SNX2: variants seen among roughly 807,000 people sequenced by gnomAD.
SNX2 encodes sorting nexin 2.
A neutral mutation model predicts 69.9 loss-of-function variants in SNX2; 25 were observed. The ratio of observed to expected loss-of-function variants is 0.36; its 90% CI spans 0.26 to 0.50. The LOEUF is 0.50. Among genes scored for constraint, SNX2 ranks in the 20% least tolerant of loss-of-function variants. The probability of loss-of-function intolerance (pLI) is 0.97; values close to 1 mark genes in which losing one functional copy is unlikely to be tolerated. For synonymous variants in SNX2, 229 were observed against 200.4 expected (o/e 1.14, Z -1.20); for missense variants, 551 against 613.3 (o/e 0.90, Z 1.07).
At chr5:122,799,343 GTAAA>G (rs1753457927) in intron 2 of SNX2, among the ~76,000 whole-genome samples, 2 of 152,156 alleles carry the variant, frequency 1.3e-5, no homozygotes, top group East Asian at 3.9e-4. Flanking sequence ...TAATATTAGT[GTAAA>G]TAAATATTTG....
At chr5:122,810,518 A>T (rs1581639778) in intron 7 of SNX2, among the ~76,000 whole-genome samples, 1 of 151,662 alleles carries the variant, frequency 6.6e-6, no homozygotes, top group East Asian at 1.9e-4. Context: ...TTATTTTTCT[A>T]TGAGTAAATT....
chr5:122,800,346 A>C (rs1277290386), intron 3 of SNX2, among the ~76,000 whole-genome samples: 2 of 152,228 alleles, frequency 1.3e-5, no homozygotes, highest in Non-Finnish European at 2.9e-5. Context: ...TTTAATGGCA[A>C]AATTATGTAT....
chr5:122,814,120 T>G (rs1370917993), intron 7 of SNX2, among the ~76,000 whole-genome samples: 1 of 152,194 alleles, frequency 6.6e-6, no homozygotes, highest in Non-Finnish European at 1.5e-5. Context: ...TTTTGTTTGT[T>G]TTTTACAAGT....
intron 1 of SNX2, among the ~76,000 whole-genome samples, chr5:122,789,725 T>G (rs1488204528): frequency 6.6e-6 from 1 of 152,202 alleles, no homozygotes; most frequent in Non-Finnish European, 1.5e-5. Context: ...TACCAGAGTT[T>G]AGCTGTCTCT....
chr5:122,780,572 TTTTC>T (rs1359358437), intron 1 of SNX2, among the ~76,000 whole-genome samples: 6 of 126,210 alleles, frequency 4.8e-5, no homozygotes, highest in African/African-American at 1.5e-4. Flanking sequence ...TTTTCTTTTC[TTTTC>T]TTTTTTTTTT....
chr5:122,789,442 TACACAC>T (rs34588472), intron 1 of SNX2, among the ~76,000 whole-genome samples: 25 of 141,554 alleles, frequency 1.8e-4, no homozygotes, highest in Non-Finnish European at 1.2e-4. Context: ...CACACACACA[TACACAC>T]ACACACACAC....
intron 1 of SNX2, among the ~76,000 whole-genome samples, chr5:122,783,586 G>C (rs888397093): frequency 6.6e-6 from 1 of 152,108 alleles, no homozygotes; most frequent in East Asian, 1.9e-4. Flanking sequence ...TTTCAGAAAT[G>C]AACTGACCAT....
chr5:122,780,476 C>T lies in SNX2; in HGVS notation c.108+5265C>T, dbSNP rs184388116. Among the ~76,000 whole-genome samples, 171 of 151,934 alleles carry T rather than the reference C, an allele frequency of 1.1e-3. 2 individuals carry two copies. The highest frequency in any genetic ancestry group is 4.1e-3 in the African/African-American group (170 of 41,376). ...AGAGAAAGTAGAATAAGACAGGAGA[C>T]ACTTTTGATAAAGAGGAACTGCGAG... On this transcript the variant is annotated intron_variant, in intron 1 of 14. Transcript: ENST00000379516.
intron 8 of SNX2, among the ~76,000 whole-genome samples, chr5:122,816,448 T>A (rs936793346): frequency 7.2e-5 from 11 of 152,188 alleles, no homozygotes; most frequent in African/African-American, 2.2e-4. Context: ...TAAGAGCAAT[T>A]TGAGTTCTAG....
rs575401070 is a variant in SNX2 at position 122,800,052 on chromosome 5, TA to T, written c.390+199del. On this transcript the variant is annotated intron_variant, in intron 3 of 14. Transcript: ENST00000379516. ...GACCTGGGCATATCATTTACCTTGTTAAGTGAAGGAGTTTGTCATTTCTGAT... is the reference window on the plus strand; with the variant it reads ...GACCTGGGCATATCATTTACCTTGTTAGTGAAGGAGTTTGTCATTTCTGAT... Among the ~76,000 whole-genome samples the T allele has an allele frequency of 3.6e-3, 541 of 152,314 alleles. 4 individuals carry two copies. The highest frequency in any genetic ancestry group is 0.012 in the African/African-American group (500 of 41,570).
At chr5:122,813,605 A>G (rs1753829584) in intron 7 of SNX2, among the ~76,000 whole-genome samples, 1 of 152,056 alleles carries the variant, frequency 6.6e-6, no homozygotes, top group African/African-American at 2.4e-5. Context: ...ATTTTAAAAG[A>G]CAGGAATATA....
intron 1 of SNX2, among the ~76,000 whole-genome samples, chr5:122,778,785 A>AT (rs1230395004): frequency 6.6e-6 from 1 of 152,098 alleles, no homozygotes; most frequent in Non-Finnish European, 1.5e-5. Flanking sequence ...TTATGTGTAT[A>AT]TTTTTTAACC....
intron 1 of SNX2, among the ~76,000 whole-genome samples, chr5:122,785,178 AT>A (rs990566640): frequency 6.8e-6 from 1 of 146,508 alleles, no homozygotes. Flanking sequence ...GCTTTCATTG[AT>A]TTTTTTCCTC....
chr5:122,809,094 CAT>C (rs1418057192), intron 7 of SNX2, among the ~76,000 whole-genome samples: 3 of 152,088 alleles, frequency 2.0e-5, no homozygotes, highest in Non-Finnish European at 2.9e-5. Context: ...CTATACTAAA[CAT>C]GTGCAGACAT....
chr5:122,783,895 A>G (rs916676896), intron 1 of SNX2, among the ~76,000 whole-genome samples: 1 of 141,486 alleles, frequency 7.1e-6, no homozygotes, highest in South Asian at 2.1e-4. Flanking sequence ...CCTTCAAGCT[A>G]TAAGCATAAT....
intron 1 of SNX2, among the ~76,000 whole-genome samples, chr5:122,780,576 C>T (rs4836245): frequency 0.51 from 59,353 of 116,362 alleles, 14,399 homozygotes; most frequent in Admixed American, 0.6. Flanking sequence ...CTTTTCTTTT[C>T]TTTTTTTTTT....
intron 2 of SNX2, among the ~76,000 whole-genome samples, chr5:122,796,928 A>C (rs549583487): frequency 2.6e-5 from 4 of 152,276 alleles, no homozygotes; most frequent in South Asian, 4.1e-4. Flanking sequence ...TGGTTAGAAA[A>C]AAAATTAAAA....
chr5:122,791,375 G>A lies in SNX2; in HGVS notation c.109-3891G>A, dbSNP rs147099179. Among the ~76,000 whole-genome samples, 977 of 151,812 alleles carry A rather than the reference G, an allele frequency of 6.4e-3. 13 individuals are homozygous for A. The highest frequency in any genetic ancestry group is 0.022 in the African/African-American group (919 of 41,360). On this transcript the variant is annotated intron_variant, in intron 1 of 14. Transcript: ENST00000379516. Reference sequence around the variant, plus strand: ...CAGCTCACTGCAGCCTCTGCCTCCCGGGTTCCAAAGATTCTCCTGCCTCAG... The same window carrying A: ...CAGCTCACTGCAGCCTCTGCCTCCCAGGTTCCAAAGATTCTCCTGCCTCAG...
At chr5:122,829,138 AC>A (rs1754225185) in intron 14 of SNX2, among the ~76,000 whole-genome samples, 1 of 152,048 alleles carries the variant, frequency 6.6e-6, no homozygotes, top group African/African-American at 2.4e-5. Context: ...AACAAAAAAA[AC>A]CCAGACGTTA....
Sources: gnomAD v4.1 joint callset for allele counts (sites outside exome capture counted in the v4.1 genomes callset) on GRCh38, gnomAD v4.1.1 for gene constraint, MANE v1.5 for transcripts, NCBI Gene and HGNC (gene_info 2026-07-23, HGNC 2026-07-21) for gene names.